ERCC6L: variants seen among roughly 807,000 people sequenced by gnomAD.
The protein encoded by ERCC6L is ERCC excision repair 6 like, spindle assembly checkpoint helicase.
ERCC6L carries 7 observed loss-of-function variants against 20.1 expected under a neutral mutation model. That is an observed-to-expected ratio of 0.35 (90% CI 0.20 to 0.65). The LOEUF (loss-of-function observed/expected upper bound fraction) is 0.65, where lower values mean the gene tolerates loss of function less well. Ranked by LOEUF, ERCC6L falls within the 30% of genes least tolerant of loss-of-function variation. The pLI is 0.69. For synonymous variants in ERCC6L, 278 were observed against 331.3 expected (o/e 0.84, Z 1.75); for missense variants, 592 against 892.4 (o/e 0.66, Z 4.29).
intron 1 of ERCC6L, among the ~76,000 whole-genome samples, chrX:72,233,970 G>C (rs1036176394): frequency 9.2e-6 from 1 of 109,110 alleles, no homozygotes; most frequent in Non-Finnish European, 1.9e-5. Context: ...AATTAGCCTG[G>C]CGTGGTAGCA....
Position 72,212,945 on chromosome X carries a change from C to CA in ERCC6L, c.69-4248dup, listed in dbSNP as rs772696229. Among the ~76,000 whole-genome samples, 272 of 103,681 alleles carry CA rather than the reference C, an allele frequency of 2.6e-3. 1 individual carries two copies. The highest frequency in any genetic ancestry group is 4.4e-3 in the African/African-American group (125 of 28,531). The allele number at this position is 103,681 out of a possible 115,157, so 90.0% of individuals were successfully genotyped here. A position where few individuals can be genotyped will look rare whatever the true frequency, so the allele number is the denominator to read the frequency against. ...TGGGCTACAGAGCCAGACCCTGTCT[C>CA]AAAAAAAAAAGAATGTGAAGAGACA... On this transcript the variant is annotated intron_variant, in intron 1 of 1. Coordinates refer to ENST00000334463, the MANE Select transcript of ERCC6L (RefSeq NM_017669.4).
chrX:72,206,644 A>T lies in ERCC6L; in HGVS notation c.2123T>A (p.Val708Asp), dbSNP rs958041304. Residue 708 changes from valine to aspartate, a missense_variant, in exon 2 of 2, where the codon GTT becomes GAT. Around this residue, in one of 3 missense-constraint regions of ERCC6L, gnomAD observed 352 missense variants for 402.6 expected, o/e 0.87. Coordinates refer to ENST00000334463, the MANE Select transcript of ERCC6L (RefSeq NM_017669.4). Reference protein sequence around the residue: ...QQRVQKAQFLVEFESQNKEFL... With the variant: ...QQRVQKAQFLDEFESQNKEFL... ...CTCTTTATTTTGAGACTCGAATTCA[A>T]CGAGGAATTGAGCTTTCTGAACCCT... The T allele has an allele frequency of 3.3e-6, 4 of 1,209,720 alleles. No individual in the cohort carries two copies. Among genetic ancestry groups the T allele is most frequent in the Non-Finnish European group, 4.5e-6 (4 of 895,245 alleles).
chrX:72,207,574 C>T lies in ERCC6L; in HGVS notation c.1193G>A (p.Arg398His), dbSNP rs139313430. 214 of 1,209,555 alleles carry T rather than the reference C, an allele frequency of 1.8e-4. No homozygotes were observed. Among genetic ancestry groups the T allele is most frequent in the Non-Finnish European group, 2.3e-4 (202 of 895,077 alleles). ...DHIKELLMET[R>H]SPLAELGVLK... ...GACACCTAGCTCAGCCAAAGGTGAGCGCGTCTCCATTAGCAACTCCTTGAT... is the reference window on the plus strand; with the variant it reads ...GACACCTAGCTCAGCCAAAGGTGAGTGCGTCTCCATTAGCAACTCCTTGAT... The change falls in exon 2 of 2, where the codon CGC (arginine) becomes CAC (histidine). Residue 398 changes from arginine to histidine, a missense_variant. Physicochemically the swap from Arg to His is conservative, Grantham distance 29. Around this residue, in one of 3 missense-constraint regions of ERCC6L, gnomAD observed 196 missense variants for 440.1 expected, o/e 0.45. Transcript: ENST00000334463.
intron 1 of ERCC6L, among the ~76,000 whole-genome samples, chrX:72,229,096 T>C (rs2042968814): frequency 9.0e-6 from 1 of 111,423 alleles, no homozygotes. Context: ...CTGCAACGCC[T>C]CAAGCCTCAA....
intron 1 of ERCC6L, among the ~76,000 whole-genome samples, chrX:72,234,720 C>T (rs1358060360): frequency 1.8e-5 from 2 of 110,970 alleles, no homozygotes; most frequent in Non-Finnish European, 3.8e-5. Context: ...TCCATACTAA[C>T]AGGACAGAAG....
rs759276710 is a variant in ERCC6L, at chrX:72,205,024, T to C, written c.3743A>G (p.Asn1248Ser). 4.4e-5 allele frequency: 52 copies of C among 1,188,289 alleles called. No individual in the cohort carries two copies. The highest frequency in any genetic ancestry group is 5.8e-5 in the Non-Finnish European group (51 of 883,631). The change falls in exon 2 of 2, where the codon AAT (asparagine) becomes AGT (serine). Residue 1248 changes from asparagine (N) to serine (S), a missense_variant. Coordinates refer to ENST00000334463, the MANE Select transcript of ERCC6L (RefSeq NM_017669.4). Reference sequence around the variant, plus strand: ...AAACAGGTTACATTCTCAATTGTTATTAAGTTGCTTATACAAACTTAAAGT... The same window carrying C: ...AAACAGGTTACATTCTCAATTGTTACTAAGTTGCTTATACAAACTTAAAGT... ...LLTLSLYKQL[N>S]NN
chrX:72,208,546 C>T lies in ERCC6L; in HGVS notation c.221G>A (p.Gly74Glu). ...GCACACATCTGTAAATTCATCATCT[C>T]CCTGTTCTGCCAACTCCTCCAAGGC... ...QEALEELAEQGDDEFTDVCNS... is the reference protein window; with the variant it reads ...QEALEELAEQEDDEFTDVCNS... The change falls in exon 2 of 2, where the codon GGA becomes GAA. Residue 74 changes from glycine to glutamate, a missense_variant. By Grantham distance (98) the Gly-to-Glu change is moderately conservative. This residue lies in a region of ERCC6L where 44 missense variants were observed against 49.8 expected (regional missense o/e 0.88). Transcript: ENST00000334463. 8.3e-7 allele frequency: 1 copy of T among 1,211,710 alleles called. No individual in the cohort carries two copies. Among genetic ancestry groups the T allele is most frequent in the Non-Finnish European group, 1.1e-6 (1 of 895,537 alleles).
At chrX:72,218,963 G>A (rs1218731582) in intron 1 of ERCC6L, among the ~76,000 whole-genome samples, 1 of 112,775 alleles carries the variant, frequency 8.9e-6, no homozygotes, top group Non-Finnish European at 1.9e-5. Context: ...TATTGTAAAT[G>A]GAATTGTTTT....
intron 1 of ERCC6L, among the ~76,000 whole-genome samples, chrX:72,222,785 A>T (rs979822171): frequency 2.8e-5 from 3 of 107,379 alleles, no homozygotes; most frequent in Admixed American, 9.9e-5. Context: ...TTTAGTAGAG[A>T]CAGGGTTTCA....
At chrX:72,221,008 C>T (rs1224650964) in intron 1 of ERCC6L, among the ~76,000 whole-genome samples, 1 of 111,483 alleles carries the variant, frequency 9.0e-6, no homozygotes, top group Non-Finnish European at 1.9e-5. Flanking sequence ...TCACCTGCCC[C>T]GTCTTTTCTC....
rs891950484 is a variant in ERCC6L, at chrX:72,234,956, GC to G, written c.68+3887del. On this transcript the variant is annotated intron_variant, in intron 1 of 1. Transcript: ENST00000334463. ...CTATGATTGCCAGGCAGCATGAAGG[GC>G]CTGCTTGACATCGATATTGATGGAT... 1.1e-4 allele frequency among the ~76,000 whole-genome samples: 12 copies of G among 111,573 alleles called. 1 individual carries two copies. Among genetic ancestry groups the G allele is most frequent in the African/African-American group, 3.6e-4 (11 of 30,679 alleles).
chrX:72,233,283 G>GAC (rs2042996087), intron 1 of ERCC6L, among the ~76,000 whole-genome samples: 1 of 111,839 alleles, frequency 8.9e-6, no homozygotes. Flanking sequence ...ACAAACTAAT[G>GAC]ACACTACAAG....
chrX:72,226,994 A>G (rs1171152581), intron 1 of ERCC6L, among the ~76,000 whole-genome samples: 1 of 112,009 alleles, frequency 8.9e-6, no homozygotes, highest in East Asian at 2.8e-4. Flanking sequence ...TCTACTTGCC[A>G]AAAGGCTTCA....
At chrX:72,229,109 C>T (rs943868541) in intron 1 of ERCC6L, among the ~76,000 whole-genome samples, 3 of 111,634 alleles carry the variant, frequency 2.7e-5, no homozygotes, top group Admixed American at 1.9e-4. Context: ...AGCCTCAAGA[C>T]TCTCCCATTA....
intron 1 of ERCC6L, among the ~76,000 whole-genome samples, chrX:72,229,492 C>G (rs1172576979): frequency 8.9e-6 from 1 of 111,919 alleles, no homozygotes; most frequent in African/African-American, 3.2e-5. Context: ...CTGGCCTCCT[C>G]CTTGTCCATT....
rs868253824 is a variant in ERCC6L at position 72,224,479 on chromosome X, G to T, written c.68+14365C>A. On this transcript the variant is annotated intron_variant, in intron 1 of 1. Transcript: ENST00000334463. The stretch of plus-strand genomic sequence containing the variant: ...AATAGACTTAAAACCCAAATTCCTG[G>T]CTCACGCCTGTAATCACAGCACTTT... Among the ~76,000 whole-genome samples the T allele has an allele frequency of 2.7e-4, 30 of 111,499 alleles. 1 individual carries two copies. The Middle Eastern group carries it at 0.014, about 52-fold the overall frequency.
chrX:72,212,897 C>T (rs1306334399), intron 1 of ERCC6L, among the ~76,000 whole-genome samples: 1 of 111,268 alleles, frequency 9.0e-6, no homozygotes, highest in African/African-American at 3.3e-5. Context: ...GAGCTATGAT[C>T]GTGTCACCAC....
At position 72,204,865 on chromosome X, in the gene ERCC6L, A is replaced by T; in HGVS notation, c.*149T>A. On this transcript the variant is annotated 3_prime_UTR_variant, in exon 2 of 2. Coordinates refer to ENST00000334463, the MANE Select transcript of ERCC6L (RefSeq NM_017669.4). ...TAGTGCTCAGAATACCAGACTATGG[A>T]GTGGGGGGCGTTGCAGGGCAGAAGT... 1 of 403,307 alleles carries T rather than the reference A, an allele frequency of 2.5e-6. No homozygotes were observed. Among genetic ancestry groups the T allele is most frequent in the Non-Finnish European group, 4.2e-6 (1 of 238,561 alleles). 33.2% of individuals were successfully genotyped at this position (403,307 alleles called of 1,213,427 possible). A position where few individuals can be genotyped will look rare whatever the true frequency, so the allele number is the denominator to read the frequency against.
chrX:72,214,413 G>A (rs1372223775), intron 1 of ERCC6L, among the ~76,000 whole-genome samples: 1 of 111,744 alleles, frequency 8.9e-6, no homozygotes, highest in Non-Finnish European at 1.9e-5. Flanking sequence ...CCAAAAACTG[G>A]AAACAACCCC....
Sources: gnomAD v4.1 joint callset for allele counts (sites outside exome capture counted in the v4.1 genomes callset) on GRCh38, gnomAD v4.1.1 for gene constraint, gnomAD v4.1.1 regional missense constraint, MANE v1.5 for transcripts, NCBI Gene and HGNC (gene_info 2026-07-23, HGNC 2026-07-21) for gene names.